FREM2: variants seen among roughly 807,000 people sequenced by gnomAD.
The protein encoded by FREM2 is FRAS1 related extracellular matrix 2.
Under a neutral mutation model 219.9 loss-of-function variants are expected in FREM2, and 119 were observed. The observed-to-expected ratio is 0.54, with a 90% CI of 0.47 to 0.63. The LOEUF (loss-of-function observed/expected upper bound fraction) is 0.63, where lower values mean the gene tolerates loss of function less well. Among genes scored for constraint, FREM2 ranks in the 30% least tolerant of loss-of-function variants. The pLI, the probability that FREM2 is intolerant of heterozygous loss-of-function variation, is 0.00. For synonymous variants in FREM2, 1,562 were observed against 1,522.8 expected (o/e 1.03, Z -0.60); for missense variants, 4,030 against 3,993.6 (o/e 1.01, Z -0.25).
rs541840250 is a variant in FREM2 at position 38,687,133 on chromosome 13, G to A, written c.-212G>A. ...TGAGGCGCTAGCGGCGGAGCTGGAC[G>A]GCCTGGGAAGGCTTCGGCTCCTCGG... is the stretch of plus-strand genomic sequence containing the variant. On this transcript the variant is annotated 5_prime_UTR_variant, in exon 1 of 24. Transcript: ENST00000280481. 3.2e-5 allele frequency: 20 copies of A among 619,284 alleles called. No individual in the cohort carries two copies. The highest frequency in any genetic ancestry group is 1.5e-4 in the African/African-American group (8 of 54,036). 38.4% of individuals were successfully genotyped at this position (619,284 alleles called of 1,614,324 possible). A position where few individuals can be genotyped will look rare whatever the true frequency, so the allele number is the denominator to read the frequency against.
chr13:38,689,715 C>A lies in FREM2; in HGVS notation c.2371C>A (p.Gln791Lys). Residue 791 changes from glutamine to lysine, a missense_variant, in exon 1 of 24, where the codon CAA becomes AAA. By Grantham distance (53) the Gln-to-Lys change is moderately conservative. Transcript: ENST00000280481. ...HHKIAYRPPG[Q>K]ELGVATRVAQ... Reference sequence around the variant, plus strand: ...TAAAATTGCTTACAGACCCCCGGGTCAAGAACTGGGCGTGGCTACTCGAGT... The same window carrying A: ...TAAAATTGCTTACAGACCCCCGGGTAAAGAACTGGGCGTGGCTACTCGAGT... The A allele has an allele frequency of 6.2e-7, 1 of 1,613,816 alleles. No homozygotes were observed. Among genetic ancestry groups the A allele is most frequent in the Non-Finnish European group, 8.5e-7 (1 of 1,179,854 alleles).
intron 2 of FREM2, among the ~76,000 whole-genome samples, chr13:38,746,254 G>C (rs184006267): frequency 1.1e-3 from 161 of 152,176 alleles, no homozygotes; most frequent in African/African-American, 3.6e-3. Context: ...TTTTGATAAG[G>C]CTTGCAAAAC....
intron 2 of FREM2, among the ~76,000 whole-genome samples, chr13:38,702,118 T>C (rs1389559151): frequency 1.3e-5 from 2 of 152,122 alleles, no homozygotes; most frequent in African/African-American, 4.8e-5. Flanking sequence ...TATCCTAGCA[T>C]TAATTTAAAT....
Position 38,872,899 on chromosome 13 carries a change from A to C in FREM2, c.8141A>C (p.Asp2714Ala). 1 of 1,613,986 alleles carries C rather than the reference A, an allele frequency of 6.2e-7. No homozygotes were observed. Among genetic ancestry groups the C allele is most frequent in the Non-Finnish European group, 8.5e-7 (1 of 1,179,922 alleles). The change falls in exon 17 of 24, where the codon GAT becomes GCT. Residue 2714 changes from aspartate (D) to alanine (A), a missense_variant. Asp to Ala is a moderately radical substitution (Grantham distance 126, BLOSUM62 -2). This residue lies in a region of FREM2 where 928 missense variants were observed against 1,042.9 expected (regional missense o/e 0.89). Coordinates refer to ENST00000280481, the MANE Select transcript of FREM2 (RefSeq NM_207361.6). ...FVYDTAILWN[D>A]GIGSPPEAEL... Reference sequence around the variant, plus strand: ...TACGACACCGCCATCTTGTGGAATGATGGAATTGGCAGCCCCCCAGAGGCT... The same window carrying C: ...TACGACACCGCCATCTTGTGGAATGCTGGAATTGGCAGCCCCCCAGAGGCT...
At position 38,812,808 on chromosome 13, in the gene FREM2, G is replaced by A. The variant is rs568493535; in HGVS notation, c.6019+28000G>A. ...TGAGATGGGAGGATCGCTTGAGCCC[G>A]GGAGATTGAGGCTGCAGTGAGCCTT... On this transcript the variant is annotated intron_variant, in intron 6 of 23. Coordinates refer to ENST00000280481, the MANE Select transcript of FREM2 (RefSeq NM_207361.6). Among the ~76,000 whole-genome samples the A allele has an allele frequency of 1.6e-3, 243 of 151,736 alleles. 1 individual carries two copies. Among genetic ancestry groups the A allele is most frequent in the Admixed American group, 2.9e-3 (44 of 15,230 alleles).
rs1878499837 is a variant in FREM2 at position 38,880,443 on chromosome 13, A to G, written c.9166A>G (p.Arg3056Gly). The G allele has an allele frequency of 3.1e-6, 5 of 1,614,052 alleles. No individual in the cohort carries two copies. Among genetic ancestry groups the G allele is most frequent in the Admixed American group, 1.7e-5 (1 of 59,994 alleles). ...TTKSRKKREI[R>G]STPSLAWEIG... ...CAAGAGCCGGAAGAAGAGAGAGATC[A>G]GGAGCACACCCTCACTGGCATGGGA... The change falls in exon 24 of 24, where the codon AGG becomes GGG. Residue 3056 changes from arginine to glycine, a missense_variant. Coordinates refer to ENST00000280481, the MANE Select transcript of FREM2 (RefSeq NM_207361.6).
intron 6 of FREM2, among the ~76,000 whole-genome samples, chr13:38,786,444 T>C (rs1294389442): frequency 6.6e-6 from 1 of 152,214 alleles, no homozygotes; most frequent in East Asian, 1.9e-4. Flanking sequence ...CCTTAATTGA[T>C]CAGTGTAATA....
intron 1 of FREM2, among the ~76,000 whole-genome samples, chr13:38,695,504 C>T (rs910055304): frequency 2.6e-5 from 4 of 152,146 alleles, no homozygotes; most frequent in African/African-American, 7.2e-5. Context: ...TTAACGATTA[C>T]AATTTCGCTT....
rs1270982749 is a variant in FREM2 at position 38,846,637 on chromosome 13, G to A, written c.6084G>A (p.Val2028=). 1.9e-6 allele frequency: 3 copies of A among 1,613,828 alleles called. No homozygotes were observed. Among genetic ancestry groups the A allele is most frequent in the South Asian group, 1.1e-5 (1 of 91,078 alleles). The stretch of plus-strand genomic sequence containing the variant: ...ATGAGAGTGCTGGCTATGTGGAAGT[G>A]CAGGTGTGGAGAACGGGCACTGACC... ...SVDESAGYVE[V]QVWRTGTDLS... Residue 2028 remains valine, a synonymous_variant, in exon 7 of 24, where the codon GTG becomes GTA. Transcript: ENST00000280481.
In FREM2 at chr13:38,691,366, A is replaced by G; in HGVS notation, c.4022A>G (p.Tyr1341Cys). 1 of 1,614,034 alleles carries G rather than the reference A, an allele frequency of 6.2e-7. No homozygotes were observed. The highest frequency in any genetic ancestry group is 8.5e-7 in the Non-Finnish European group (1 of 1,179,886). The change falls in exon 1 of 24, where the codon TAT becomes TGT. Residue 1341 changes from tyrosine to cysteine, a missense_variant. By Grantham distance (194) the Tyr-to-Cys change is radical (BLOSUM62 -2). This residue lies in a region of FREM2 where 3,102 missense variants were observed against 2,950.7 expected (regional missense o/e 1.05). Transcript: ENST00000280481. Reference sequence around the variant, plus strand: ...GATTCAGAAGACAAATCTTTGGTTTATATTATTCGTTATGGGCCAGGACAT... The same window carrying G: ...GATTCAGAAGACAAATCTTTGGTTTGTATTATTCGTTATGGGCCAGGACAT... ...DLDSEDKSLV[Y>C]IIRYGPGHGL...
In FREM2 at chr13:38,880,967, A is replaced by G. The variant is rs1350906903; in HGVS notation, c.*180A>G. ...TCCATACTCTTTTTTGCATCAAAGG[A>G]CAAATTAAGGCATCTTTCCTCTTGC... On this transcript the variant is annotated 3_prime_UTR_variant, in exon 24 of 24. Transcript: ENST00000280481. 1.3e-6 allele frequency: 1 copy of G among 778,066 alleles called. No homozygotes were observed. Among genetic ancestry groups the G allele is most frequent in the Non-Finnish European group, 2.1e-6 (1 of 474,102 alleles). 48.2% of individuals were successfully genotyped at this position (778,066 alleles called of 1,614,324 possible).
At chr13:38,765,195 C>T (rs1873389718) in intron 3 of FREM2, among the ~76,000 whole-genome samples, 1 of 152,214 alleles carries the variant, frequency 6.6e-6, no homozygotes, top group Admixed American at 6.5e-5. Flanking sequence ...CAGGCGTGAG[C>T]CACCGCGCCC....
In FREM2 at chr13:38,764,319, C is replaced by T. The variant is rs114171443; in HGVS notation, c.5279C>T (p.Thr1760Met). The T allele has an allele frequency of 1.8e-4, 283 of 1,611,700 alleles. No individual in the cohort carries two copies. The East Asian group carries it at 4.9e-3, about 28-fold the overall frequency. ...AVEDGGGNKL[T>M]YQNFRLNWAW... ...TATTTTCAAGGTGGAAACAAGTTAACGTACCAGAATTTTCGTCTGAATTGG... is the reference window on the plus strand; with the variant it reads ...TATTTTCAAGGTGGAAACAAGTTAATGTACCAGAATTTTCGTCTGAATTGG... Residue 1760 changes from threonine to methionine, a missense_variant, in exon 3 of 24, where the codon ACG becomes ATG. Physicochemically the swap from Thr to Met is moderately conservative, Grantham distance 81. Around this residue, in one of 2 missense-constraint regions of FREM2, gnomAD observed 3,102 missense variants for 2,950.7 expected, o/e 1.05. Transcript: ENST00000280481.
chr13:38,785,542 A>G (rs1318324546), intron 6 of FREM2, among the ~76,000 whole-genome samples: 1 of 152,224 alleles, frequency 6.6e-6, no homozygotes, highest in African/African-American at 2.4e-5. Context: ...TCCTCCTGGT[A>G]GATGAAAGAG....
At chr13:38,864,684 C>A in intron 16 of FREM2, 78 bp downstream of exon 16, 1 of 1,268,530 alleles carries the variant, frequency 7.9e-7, no homozygotes, top group Non-Finnish European at 1.1e-6. Flanking sequence ...TGTACTAAGT[C>A]CCAACTCCAG....
In FREM2 at chr13:38,881,075, T is replaced by C; in HGVS notation, c.*288T>C. 2.1e-6 allele frequency: 1 copy of C among 474,916 alleles called. No homozygotes were observed. Among genetic ancestry groups the C allele is most frequent in the Non-Finnish European group, 3.9e-6 (1 of 258,220 alleles). 29.4% of individuals were successfully genotyped at this position (474,916 alleles called of 1,614,324 possible). A position where few individuals can be genotyped will look rare whatever the true frequency, so the allele number is the denominator to read the frequency against. Reference sequence around the variant, plus strand: ...CTCCTCATTTTAGACATATTCTCTATGCAGTGGAGATAAATCTATTAAAAG... The same window carrying C: ...CTCCTCATTTTAGACATATTCTCTACGCAGTGGAGATAAATCTATTAAAAG... On this transcript the variant is annotated 3_prime_UTR_variant, in exon 24 of 24. Transcript: ENST00000280481.
At chr13:38,784,092 C>G (rs1403307348) in intron 5 of FREM2, among the ~76,000 whole-genome samples, 1 of 152,158 alleles carries the variant, frequency 6.6e-6, no homozygotes, top group Non-Finnish European at 1.5e-5. Context: ...GAGCGAAACT[C>G]AGTCTCAAAA....
Position 38,839,399 on chromosome 13 carries a change from C to T in FREM2, c.6020-7174C>T, listed in dbSNP as rs7982933. On this transcript the variant is annotated intron_variant, in intron 6 of 23. Transcript: ENST00000280481. The stretch of plus-strand genomic sequence containing the variant: ...CTCTCCAGTATGAGGTGTCTGTCAA[C>T]CCCTGCTAGGAGGTATCTCCCCATC... Among the ~76,000 whole-genome samples the T allele has an allele frequency of 6.0e-3, 917 of 152,264 alleles. 10 individuals carry two copies. The highest frequency in any genetic ancestry group is 0.021 in the African/African-American group (871 of 41,552).
chr13:38,764,012 T>A (rs1873337896), intron 2 of FREM2, among the ~76,000 whole-genome samples: 1 of 152,224 alleles, frequency 6.6e-6, no homozygotes, highest in Non-Finnish European at 1.5e-5. Context: ...GTTGGATATT[T>A]AGTTTTAGGA....
Sources: allele counts gnomAD v4.1 joint callset (sites outside exome capture counted in the v4.1 genomes callset), GRCh38; gene constraint gnomAD v4.1.1; regional missense constraint gnomAD v4.1.1; transcripts MANE v1.5; gene names NCBI Gene and HGNC (gene_info 2026-07-23, HGNC 2026-07-21).